The following VWA2 variants were observed in gnomAD, a reference collection of about 807,000 sequenced individuals.
The protein encoded by VWA2 is von Willebrand factor A domain-containing protein 2.
A neutral mutation model predicts 70.4 loss-of-function variants in VWA2; 73 were observed. The observed-to-expected ratio is 1.04, with a 90% CI of 0.86 to 1.26. The LOEUF (loss-of-function observed/expected upper bound fraction) is 1.26. Among genes scored for constraint, VWA2 ranks in the 50% most tolerant of loss-of-function variants. The pLI, the probability that VWA2 is intolerant of heterozygous loss-of-function variation, is 0.00. For synonymous variants in VWA2, 407 were observed against 423.3 expected, an observed-to-expected ratio of 0.96 and a Z score of 0.47; for missense variants, 1,011 against 998.5, an observed-to-expected ratio of 1.01 and a Z score of -0.17.
chr10:114,290,096 A>G (rs1387389264), intron 12 of VWA2, 144 bp from the exon 13 acceptor site: 3 of 1,080,836 alleles, frequency 2.8e-6, no homozygotes, highest in Non-Finnish European at 3.9e-6. Flanking sequence ...GCCAAGTGGT[A>G]TGCAGCACCA....
chr10:114,269,800 G>A (rs1263841034), intron 5 of VWA2, among the ~76,000 whole-genome samples: 2 of 152,120 alleles, frequency 1.3e-5, no homozygotes, highest in Non-Finnish European at 2.9e-5. Flanking sequence ...GAGGCTTTGG[G>A]GAAAGAAGGC....
rs753521046 is a variant in VWA2 at position 114,284,854 on chromosome 10, C to T, written c.890-9C>T. The T allele has an allele frequency of 6.2e-7, 1 of 1,603,360 alleles. No homozygotes were observed. The highest frequency in any genetic ancestry group is 2.3e-5 in the East Asian group (1 of 44,150). The stretch of plus-strand genomic sequence containing the variant: ...GGTGCTTAGCGGTTAATGGGCATCT[C>T]TCTGATAGGCCCCTGTGACTCGCAG... On this transcript the variant is annotated splice_polypyrimidine_tract_variant and intron_variant, in intron 9 of 13. Coordinates refer to ENST00000392982, the MANE Select transcript of VWA2 (RefSeq NM_001272046.2).
intron 6 of VWA2, 150 bp from the exon 7 acceptor site, chr10:114,277,764 C>T (rs1057375962): frequency 1.9e-5 from 19 of 984,792 alleles, no homozygotes; most frequent in Admixed American, 7.0e-5. Context: ...ATTTCCATTC[C>T]GGTTAACTGT....
chr10:114,292,987 G>A lies in VWA2; in HGVS notation c.*1750G>A, dbSNP rs2039742281. ...CTCCCAAAGTTCTGGGATTACAGGG[G>A]TGAACCACTGTGCCTGGCCCATTTT... On this transcript the variant is annotated 3_prime_UTR_variant, in exon 14 of 14. Coordinates refer to ENST00000392982, the MANE Select transcript of VWA2 (RefSeq NM_001272046.2). 6.6e-6 allele frequency among the ~76,000 whole-genome samples: 1 copy of A among 152,178 alleles called. No individual in the cohort carries two copies. Among genetic ancestry groups the A allele is most frequent in the Non-Finnish European group, 1.5e-5 (1 of 68,028 alleles).
chr10:114,254,176 A>G (rs899939786), intron 3 of VWA2, among the ~76,000 whole-genome samples: 1 of 151,496 alleles, frequency 6.6e-6, no homozygotes, highest in African/African-American at 2.4e-5. Flanking sequence ...GGCTCAAGCA[A>G]TCCTCCTGCC....
In VWA2 at chr10:114,285,123, G is replaced by A. The variant is rs146965965; in HGVS notation, c.997+153G>A. On this transcript the variant is annotated intron_variant, in intron 10 of 13. Coordinates refer to ENST00000392982, the MANE Select transcript of VWA2 (RefSeq NM_001272046.2). ...ACCACTGGTCTGCAGTTCACGTGGT[G>A]CAGCCTGTCAGTGCTCCGTGAGTAG... 845 of 591,562 alleles carry A rather than the reference G, an allele frequency of 1.4e-3. 3 individuals carry two copies. The highest frequency in any genetic ancestry group is 0.014 in the African/African-American group (721 of 51,134). 36.6% of individuals were successfully genotyped at this position (591,562 alleles called of 1,614,324 possible).
intron 5 of VWA2, among the ~76,000 whole-genome samples, chr10:114,262,245 AATATG>A (rs1284821526): frequency 6.6e-6 from 1 of 151,570 alleles, no homozygotes; most frequent in African/African-American, 2.4e-5. Context: ...TGTACATCTG[AATATG>A]ATATGTGTGT....
intron 2 of VWA2, 130 bp from the exon 3 acceptor site, chr10:114,253,521 C>G: frequency 1.3e-6 from 1 of 767,238 alleles, no homozygotes; most frequent in East Asian, 2.6e-5. Context: ...TTTTGAGATG[C>G]AAGAATCATC....
intron 4 of VWA2, among the ~76,000 whole-genome samples, chr10:114,257,061 T>C (rs960954004): frequency 6.6e-6 from 1 of 152,160 alleles, no homozygotes; most frequent in Non-Finnish European, 1.5e-5. Context: ...CCTCTAGGAT[T>C]TAGAAACATA....
chr10:114,288,878 C>A, intron 11 of VWA2, 60 bp from the exon 12 acceptor site: 1 of 1,542,530 alleles, frequency 6.5e-7, no homozygotes, highest in South Asian at 1.2e-5. Flanking sequence ...GTCCCTGGGT[C>A]CCGTCGAGGG....
chr10:114,248,619 AG>A, intron 1 of VWA2, 84 bp from the exon 2 acceptor site: 1 of 1,172,572 alleles, frequency 8.5e-7, no homozygotes, highest in South Asian at 1.2e-5. Flanking sequence ...GAAAAGGCTG[AG>A]TTGGCATCTT....
intron 1 of VWA2, among the ~76,000 whole-genome samples, chr10:114,242,769 C>A (rs1400472319): frequency 1.3e-5 from 2 of 152,140 alleles, no homozygotes; most frequent in Non-Finnish European, 2.9e-5. Flanking sequence ...ATAATATCTA[C>A]CCTACAGATT....
intron 5 of VWA2, among the ~76,000 whole-genome samples, chr10:114,267,681 A>G (rs1448329206): frequency 6.6e-6 from 1 of 151,026 alleles, no homozygotes; most frequent in Non-Finnish European, 1.5e-5. Flanking sequence ...ACCTCAGGTG[A>G]TCCACCCACC....
At chr10:114,278,661 G>T in intron 7 of VWA2, 58 bp from the exon 8 acceptor site, 1 of 1,601,610 alleles carries the variant, frequency 6.2e-7, no homozygotes. Context: ...AGCGTGTGTG[G>T]CAGGAGGAGG....
intron 5 of VWA2, among the ~76,000 whole-genome samples, chr10:114,262,027 CT>C (rs1361149028): frequency 6.6e-6 from 1 of 152,078 alleles, no homozygotes; most frequent in African/African-American, 2.4e-5. Flanking sequence ...ACAACCAGAT[CT>C]TATGTGAACT....
chr10:114,259,618 C>T (rs147281504), intron 4 of VWA2, among the ~76,000 whole-genome samples: 47 of 152,178 alleles, frequency 3.1e-4, no homozygotes, highest in African/African-American at 1.1e-3. Context: ...AGATTTTTCA[C>T]ACTAAAATCT....
At chr10:114,287,386 G>T (rs1405190211) in intron 11 of VWA2, among the ~76,000 whole-genome samples, 4 of 152,156 alleles carry the variant, frequency 2.6e-5, no homozygotes, top group Non-Finnish European at 4.4e-5. Flanking sequence ...TTGCTATGTT[G>T]CCCAGGCTGG....
At chr10:114,244,444 C>G (rs1345830695) in intron 1 of VWA2, among the ~76,000 whole-genome samples, 1 of 152,160 alleles carries the variant, frequency 6.6e-6, no homozygotes, top group African/African-American at 2.4e-5. Context: ...TAAGCTGGGG[C>G]AGAACACTTC....
intron 2 of VWA2, among the ~76,000 whole-genome samples, chr10:114,250,780 T>C (rs981177014): frequency 6.6e-6 from 1 of 152,150 alleles, no homozygotes; most frequent in Admixed American, 6.5e-5. Context: ...TGGTGAGATG[T>C]GTTTGGGGCC....
Sources: allele counts gnomAD v4.1 joint callset (sites outside exome capture counted in the v4.1 genomes callset), GRCh38; gene constraint gnomAD v4.1.1; transcripts MANE v1.5; gene names NCBI Gene and HGNC (gene_info 2026-07-23, HGNC 2026-07-21).